Variants in PIK3C3 observed in about 807,000 individuals in gnomAD.
PIK3C3 encodes phosphatidylinositol 3-kinase catalytic subunit type 3, also known as PI3-kinase type 3.
Under a neutral mutation model 126.1 loss-of-function variants are expected in PIK3C3, and 95 were observed. The ratio of observed to expected loss-of-function variants is 0.75; its 90% CI spans 0.64 to 0.89. The LOEUF is 0.89. PIK3C3 is among the 40% of genes least tolerant of loss of function. The probability of loss-of-function intolerance (pLI) is 0.00; values close to 1 mark genes in which losing one functional copy is unlikely to be tolerated. For synonymous variants in PIK3C3, 374 were observed against 360.0 expected, an observed-to-expected ratio of 1.04 and a Z score of -0.44; for missense variants, 829 against 1,063.2, an observed-to-expected ratio of 0.78 and a Z score of 3.06.
At chr18:42,032,097 C>T (rs1983855307) in intron 15 of PIK3C3, among the ~76,000 whole-genome samples, 1 of 152,186 alleles carries the variant, frequency 6.6e-6, no homozygotes, top group Admixed American at 6.5e-5. Context: ...GGTAAGGCCT[C>T]ACTGAGAAAT....
chr18:42,016,357 T>G (rs1983074006), intron 12 of PIK3C3, among the ~76,000 whole-genome samples: 1 of 152,228 alleles, frequency 6.6e-6, no homozygotes, highest in East Asian at 1.9e-4. Context: ...AGATAAGCCC[T>G]TTAAGAAGCC....
chr18:42,024,415 T>C (rs560139477), intron 13 of PIK3C3, among the ~76,000 whole-genome samples: 2 of 152,266 alleles, frequency 1.3e-5, no homozygotes, highest in East Asian at 3.9e-4. Flanking sequence ...CCTTTTTGTT[T>C]GAATAGATGT....
At chr18:42,045,740 A>C (rs1432035039) in intron 20 of PIK3C3, among the ~76,000 whole-genome samples, 1 of 152,196 alleles carries the variant, frequency 6.6e-6, no homozygotes, top group Non-Finnish European at 1.5e-5. Flanking sequence ...GCTCTGGATG[A>C]AAAGGGTGTC....
intron 24 of PIK3C3, among the ~76,000 whole-genome samples, chr18:42,070,292 G>T (rs1985721274): frequency 6.6e-6 from 1 of 152,190 alleles, no homozygotes; most frequent in Non-Finnish European, 1.5e-5. Context: ...ATGCAGAAAA[G>T]AGAGGAATTA....
At chr18:42,076,129 T>TATATATATATATATATATATGCAC in intron 24 of PIK3C3, among the ~76,000 whole-genome samples, 1 of 81,692 alleles carries the variant, frequency 1.2e-5, no homozygotes, top group African/African-American at 8.6e-5. Flanking sequence ...TATGCGCATA[T>TATATATATATATATATATATGCAC]ATATATATAT....
chr18:41,978,072 C>T lies in PIK3C3; in HGVS notation c.531+7616C>T, dbSNP rs568203763. 3.3e-5 allele frequency among the ~76,000 whole-genome samples: 5 copies of T among 152,262 alleles called. No individual in the cohort carries two copies. In the South Asian group the frequency reaches 1.0e-3, roughly 32 times the overall value. On this transcript the variant is annotated intron_variant, in intron 4 of 24. Transcript: ENST00000262039. ...AGTCTCCCGGACTCAAGTGATCCTC[C>T]CACATCCTCTGGAGGAGCAGGAACT... is the stretch of plus-strand genomic sequence containing the variant.
intron 15 of PIK3C3, among the ~76,000 whole-genome samples, chr18:42,031,422 C>G (rs1310539830): frequency 1.3e-5 from 2 of 151,996 alleles, no homozygotes; most frequent in African/African-American, 4.8e-5. Flanking sequence ...CCTTTTTCAT[C>G]TACTTTTTTT....
At chr18:41,959,620 A>G (rs927875694) in intron 2 of PIK3C3, among the ~76,000 whole-genome samples, 9 of 152,084 alleles carry the variant, frequency 5.9e-5, no homozygotes, top group Non-Finnish European at 1.2e-4. Context: ...CCACATGGTG[A>G]AACCCCCTAT....
chr18:41,971,107 T>C (rs1166951130), intron 4 of PIK3C3: 1 of 153,346 alleles, frequency 6.5e-6, no homozygotes, highest in African/African-American at 2.4e-5. Context: ...AACTAAATTC[T>C]ATTCCGTGCA....
At chr18:41,994,680 A>G (rs1437839225) in intron 7 of PIK3C3, among the ~76,000 whole-genome samples, 1 of 152,164 alleles carries the variant, frequency 6.6e-6, no homozygotes, top group African/African-American at 2.4e-5. Context: ...TAATAAAATT[A>G]TATCCATAAC....
At chr18:42,002,843 G>A (rs1240468311) in intron 9 of PIK3C3, among the ~76,000 whole-genome samples, 1 of 152,202 alleles carries the variant, frequency 6.6e-6, no homozygotes, top group African/African-American at 2.4e-5. Flanking sequence ...GAATCAGGCT[G>A]AAGACAAATA....
At chr18:42,012,404 C>T (rs1228463926) in intron 10 of PIK3C3, among the ~76,000 whole-genome samples, 1 of 152,050 alleles carries the variant, frequency 6.6e-6, no homozygotes, top group Non-Finnish European at 1.5e-5. Context: ...GGTTTGTGAG[C>T]TTAAAGAGGA....
chr18:41,957,831 T>A, intron 2 of PIK3C3, 73 bp downstream of exon 2: 1 of 1,160,616 alleles, frequency 8.6e-7, no homozygotes, highest in African/African-American at 1.5e-5. Flanking sequence ...CAAGTATAAT[T>A]TAGTAGGATT....
rs1983935896 is a variant in PIK3C3, at chr18:42,033,923, G to A, written c.1805G>A (p.Arg602Lys). The change falls in exon 16 of 25, where the codon AGA becomes AAA. Residue 602 changes from arginine to lysine, a missense_variant. Physicochemically the swap from Arg to Lys is conservative, Grantham distance 26 (BLOSUM62 2). Coordinates refer to ENST00000262039, the MANE Select transcript of PIK3C3 (RefSeq NM_002647.4). ...PLPLEPQVKI[R>K]GIIPETATLF... The stretch of plus-strand genomic sequence containing the variant: ...CCTTTAGAACCCCAAGTGAAAATTA[G>A]AGGAATAATTCCGGAAACAGCTACA... The A allele has an allele frequency of 3.1e-6, 5 of 1,607,484 alleles. No homozygotes were observed. The South Asian group carries it at 4.4e-5, about 14-fold the overall frequency.
intron 24 of PIK3C3, among the ~76,000 whole-genome samples, chr18:42,068,246 A>G (rs748777407): frequency 3.9e-5 from 6 of 152,166 alleles, no homozygotes; most frequent in Non-Finnish European, 8.8e-5. Context: ...TTTAAACTTT[A>G]TGATACCTAG....
At chr18:42,070,363 C>A (rs1399747418) in intron 24 of PIK3C3, 1 of 152,132 alleles carries the variant, frequency 6.6e-6, no homozygotes, top group Non-Finnish European at 1.5e-5. Flanking sequence ...AAAGTTGAGC[C>A]TTCAAGTTCT....
chr18:41,980,689 G>C (rs1981153915), intron 4 of PIK3C3, among the ~76,000 whole-genome samples: 1 of 151,660 alleles, frequency 6.6e-6, no homozygotes, highest in African/African-American at 2.4e-5. Context: ...ATTGGGACTT[G>C]ACCATTTGTA....
At position 41,958,493 on chromosome 18, in the gene PIK3C3, C is replaced by T. The variant is rs79468960; in HGVS notation, c.257+735C>T. ...GACCACATGGACAGCCAGACTGTGC[C>T]ATAGAGGGTTCAACCCTGTGTGTCC... On this transcript the variant is annotated intron_variant, in intron 2 of 24. Coordinates refer to ENST00000262039, the MANE Select transcript of PIK3C3 (RefSeq NM_002647.4). 3.2e-3 allele frequency among the ~76,000 whole-genome samples: 484 copies of T among 152,230 alleles called. 1 individual carries two copies. The highest frequency in any genetic ancestry group is 0.011 in the African/African-American group (462 of 41,538).
chr18:42,077,961 T>C (rs556673848), intron 24 of PIK3C3, among the ~76,000 whole-genome samples: 19 of 152,340 alleles, frequency 1.2e-4, no homozygotes, highest in African/African-American at 4.6e-4. Context: ...TTAGCAGGCA[T>C]TAAAACAACA....
Sources: gnomAD v4.1 joint callset for allele counts (sites outside exome capture counted in the v4.1 genomes callset) on GRCh38, gnomAD v4.1.1 for gene constraint, MANE v1.5 for transcripts, NCBI Gene and HGNC (gene_info 2026-07-23, HGNC 2026-07-21) for gene names.